The following CASK variants were observed in gnomAD, a reference collection of about 807,000 sequenced individuals.
CASK encodes the protein peripheral plasma membrane protein CASK.
In CASK, 4 loss-of-function variants were observed where a neutral mutation model predicts 82.9. The ratio of observed to expected loss-of-function variants is 0.05; its 90% CI spans 0.02 to 0.11. The LOEUF is 0.11. Ranked by LOEUF, CASK falls within the 10% of genes least tolerant of loss-of-function variation. The pLI is 1.00. For missense variants in CASK, 358 were observed against 720.9 expected, an observed-to-expected ratio of 0.50 and a Z score of 5.76; for synonymous variants, 259 against 253.5, an observed-to-expected ratio of 1.02 and a Z score of -0.20.
At chrX:41,891,796 G>A (rs2072175031) in intron 1 of CASK, among the ~76,000 whole-genome samples, 1 of 111,866 alleles carries the variant, frequency 8.9e-6, no homozygotes, top group Non-Finnish European at 1.9e-5. Context: ...AAAACATTAG[G>A]CAACTAAGAG....
At chrX:41,882,366 T>A (rs1216601210) in intron 1 of CASK, among the ~76,000 whole-genome samples, 2 of 111,619 alleles carry the variant, frequency 1.8e-5, no homozygotes, top group Non-Finnish European at 3.8e-5. Flanking sequence ...CTACAACATA[T>A]TAAGTTAAAC....
At chrX:41,527,327 C>T (rs1361348822) in intron 25 of CASK, among the ~76,000 whole-genome samples, 1 of 110,295 alleles carries the variant, frequency 9.1e-6, no homozygotes, top group Non-Finnish European at 1.9e-5. Context: ...AGAGCACGCT[C>T]TAGAAAGATC....
Position 41,836,741 on chromosome X carries a change from C to G in CASK, c.172+16374G>C, listed in dbSNP as rs765537688. 3.2e-4 allele frequency among the ~76,000 whole-genome samples: 36 copies of G among 111,444 alleles called. No individual in the cohort carries two copies. The East Asian group carries it at 9.8e-3, about 30-fold the overall frequency. ...TAAACAAAAGTATAAGCCTTAATAT[C>G]TTGAAATTTGCTGGATTACTTCTAA... On this transcript the variant is annotated intron_variant, in intron 2 of 26. Coordinates refer to ENST00000378163, the MANE Select transcript of CASK (RefSeq NM_001367721.1).
intron 8 of CASK, among the ~76,000 whole-genome samples, chrX:41,653,116 G>A (rs967216496): frequency 2.7e-5 from 3 of 112,898 alleles, no homozygotes; most frequent in Non-Finnish European, 5.6e-5. Flanking sequence ...AAGAAGTCTT[G>A]TGTGTTGATT....
intron 1 of CASK, among the ~76,000 whole-genome samples, chrX:41,919,973 G>GA (rs964491059): frequency 1.8e-5 from 2 of 111,647 alleles, no homozygotes; most frequent in Admixed American, 1.9e-4. Flanking sequence ...AACCAAGGGG[G>GA]AAAAAAACAC....
rs749557659 is a variant in CASK at position 41,626,632 on chromosome X, T to C, written c.987A>G (p.Pro329=). 1 of 1,202,043 alleles carries C rather than the reference T, an allele frequency of 8.3e-7. No homozygotes were observed. The highest frequency in any genetic ancestry group is 1.8e-5 in the South Asian group (1 of 56,742). Residue 329 remains proline, a synonymous_variant, in exon 10 of 27, where the codon CCA becomes CCG. Coordinates refer to ENST00000378163, the MANE Select transcript of CASK (RefSeq NM_001367721.1). Reference sequence around the variant, plus strand: ...AGGAGGTAGGGTCTTCGGAGAAATCTGGTAACTCTTCAGGGGGATCCCCAT... The same window carrying C: ...AGGAGGTAGGGTCTTCGGAGAAATCCGGTAACTCTTCAGGGGGATCCCCAT... ...SFYGDPPEEL[P]DFSEDPTSSG... is the part of the protein sequence containing the mutation.
chrX:41,832,818 T>G (rs1240554882), intron 2 of CASK, among the ~76,000 whole-genome samples: 1 of 112,340 alleles, frequency 8.9e-6, no homozygotes, highest in Non-Finnish European at 1.9e-5. Context: ...TGAATGACAC[T>G]TGTCTAATAC....
In CASK at chrX:41,895,254, A is replaced by G. The variant is rs568406039; in HGVS notation, c.59+27676T>C. Among the ~76,000 whole-genome samples, 19 of 112,275 alleles carry G rather than the reference A, an allele frequency of 1.7e-4. No homozygotes were observed. The South Asian group carries it at 5.2e-3, about 31-fold the overall frequency. ...CACGAGACGCACTGTGGATAAAAAT[A>G]AGCAAGAATCGAGGAAAGAGGAGAG... On this transcript the variant is annotated intron_variant, in intron 1 of 26. Transcript: ENST00000378163.
chrX:41,856,958 GC>G (rs2071385090), intron 1 of CASK, among the ~76,000 whole-genome samples: 1 of 110,704 alleles, frequency 9.0e-6, no homozygotes, highest in South Asian at 3.9e-4. Flanking sequence ...AATATTGGAA[GC>G]CAGATCTTTA....
chrX:41,735,726 G>C (rs1448624617), intron 5 of CASK, among the ~76,000 whole-genome samples: 2 of 110,332 alleles, frequency 1.8e-5, no homozygotes, highest in Non-Finnish European at 3.8e-5. Flanking sequence ...CCTGTCTTTC[G>C]GTCTTTGCAC....
At chrX:41,594,727 G>A (rs1274064942) in intron 12 of CASK, among the ~76,000 whole-genome samples, 2 of 111,870 alleles carry the variant, frequency 1.8e-5, no homozygotes, top group African/African-American at 3.3e-5. Context: ...CTGCCCAGGA[G>A]GACAAGAGGA....
intron 3 of CASK, among the ~76,000 whole-genome samples, chrX:41,773,942 T>C (rs2069299111): frequency 9.0e-6 from 1 of 111,646 alleles, no homozygotes; most frequent in Non-Finnish European, 1.9e-5. Context: ...ACTGTACACT[T>C]AGGCTACACT....
intron 2 of CASK, among the ~76,000 whole-genome samples, chrX:41,813,958 A>C (rs1217533794): frequency 8.9e-6 from 1 of 112,474 alleles, no homozygotes; most frequent in Non-Finnish European, 1.9e-5. Context: ...TCCTCAAAAG[A>C]AGACATTTAT....
intron 2 of CASK, among the ~76,000 whole-genome samples, chrX:41,833,577 C>T (rs2070869556): frequency 9.0e-6 from 1 of 111,102 alleles, no homozygotes; most frequent in Non-Finnish European, 1.9e-5. Context: ...AGTTGCACAA[C>T]TCTGAATATA....
At chrX:41,611,710 C>A (rs1376879867) in intron 11 of CASK, among the ~76,000 whole-genome samples, 2 of 94,546 alleles carry the variant, frequency 2.1e-5, no homozygotes. Flanking sequence ...CCCACGGTCT[C>A]CCTCTCCCTC....
chrX:41,919,200 G>C (rs1479137679), intron 1 of CASK: 1 of 112,189 alleles, frequency 8.9e-6, no homozygotes, highest in Non-Finnish European at 1.9e-5. Context: ...TAGTGAACTA[G>C]AGAGATCCAT....
At position 41,630,604 on chromosome X, in the gene CASK, T is replaced by C. The variant is rs148350520; in HGVS notation, c.916-3901A>G. On this transcript the variant is annotated intron_variant, in intron 9 of 26. Coordinates refer to ENST00000378163, the MANE Select transcript of CASK (RefSeq NM_001367721.1). ...AACATCTAAATACAAAATATACAAGTATCAGATATAGAATAATTGGCTTTG... is the reference window on the plus strand; with the variant it reads ...AACATCTAAATACAAAATATACAAGCATCAGATATAGAATAATTGGCTTTG... Among the ~76,000 whole-genome samples, 40 of 111,861 alleles carry C rather than the reference T, an allele frequency of 3.6e-4. 1 individual carries two copies. The highest frequency in any genetic ancestry group is 1.2e-3 in the African/African-American group (38 of 30,841).
At chrX:41,833,300 C>T (rs1265358785) in intron 2 of CASK, among the ~76,000 whole-genome samples, 1 of 112,016 alleles carries the variant, frequency 8.9e-6, no homozygotes, top group Non-Finnish European at 1.9e-5. Context: ...CAATGGAATA[C>T]TATTCAGTCA....
chrX:41,665,660 T>C (rs970481973), intron 6 of CASK: 6 of 440,520 alleles, frequency 1.4e-5, no homozygotes, highest in Non-Finnish European at 2.4e-5. Context: ...GAGCCCAGAA[T>C]AGGTATTCTG....
Sources: gnomAD v4.1 joint callset for allele counts (sites outside exome capture counted in the v4.1 genomes callset) on GRCh38, gnomAD v4.1.1 for gene constraint, MANE v1.5 for transcripts, NCBI Gene and HGNC (gene_info 2026-07-23, HGNC 2026-07-21) for gene names.